Variants in ABCD2 observed in about 807,000 individuals in gnomAD.
ABCD2 encodes the protein ATP binding cassette subfamily D member 2.
A neutral mutation model predicts 70.9 loss-of-function variants in ABCD2; 36 were observed. The observed-to-expected ratio is 0.51, with a 90% CI of 0.39 to 0.67. The LOEUF (loss-of-function observed/expected upper bound fraction) is 0.67, where lower values mean the gene tolerates loss of function less well. Ranked by LOEUF, ABCD2 falls within the 30% of genes least tolerant of loss-of-function variation. ABCD2 has a pLI of 0.00. For synonymous variants in ABCD2, 304 were observed against 306.9 expected (o/e 0.99, Z 0.10); for missense variants, 729 against 890.2 (o/e 0.82, Z 2.30).
At chr12:39,578,767 G>A (rs939357718) in intron 8 of ABCD2, among the ~76,000 whole-genome samples, 27 of 151,572 alleles carry the variant, frequency 1.8e-4, no homozygotes, top group Non-Finnish European at 5.9e-5. Context: ...TTTTCCATTG[G>A]CTATGGCTTT....
chr12:39,558,017 T>A (rs1307260570), intron 9 of ABCD2, among the ~76,000 whole-genome samples: 1 of 152,146 alleles, frequency 6.6e-6, no homozygotes, highest in Non-Finnish European at 1.5e-5. Flanking sequence ...GTAGATCCAC[T>A]AACAGCTTGC....
chr12:39,604,032 AC>A, intron 4 of ABCD2, 26 bp from the exon 5 acceptor site: 1 of 1,473,722 alleles, frequency 6.8e-7, no homozygotes, highest in Non-Finnish European at 9.5e-7. Flanking sequence ...AGTGTAAGAT[AC>A]AAACATTATC....
In ABCD2 at chr12:39,572,493, T is replaced by G. The variant is rs566638920; in HGVS notation, c.2003+1223A>C. Reference sequence around the variant, plus strand: ...TGCTGGACTAGATCCAGAAAGTATATTTTTTAAAAATTCTGAAAAATCTGA... The same window carrying G: ...TGCTGGACTAGATCCAGAAAGTATAGTTTTTAAAAATTCTGAAAAATCTGA... On this transcript the variant is annotated intron_variant, in intron 9 of 9. Transcript: ENST00000308666. Among the ~76,000 whole-genome samples, 8 of 152,290 alleles carry G rather than the reference T, an allele frequency of 5.3e-5. No homozygotes were observed. In the East Asian group the frequency reaches 1.4e-3, roughly 26 times the overall value.
chr12:39,594,534 C>T (rs931436645), intron 6 of ABCD2, among the ~76,000 whole-genome samples: 3 of 152,078 alleles, frequency 2.0e-5, no homozygotes, highest in Non-Finnish European at 4.4e-5. Flanking sequence ...AAAACACACA[C>T]ACTATATCAT....
chr12:39,603,845 A>C (rs1455918982), intron 5 of ABCD2, 67 bp downstream of exon 5: 1 of 1,201,640 alleles, frequency 8.3e-7, no homozygotes. Flanking sequence ...CATAAGGTAC[A>C]TGAATTCTGA....
chr12:39,603,445 T>G (rs1319196430), intron 5 of ABCD2, among the ~76,000 whole-genome samples: 1 of 152,072 alleles, frequency 6.6e-6, no homozygotes, highest in African/African-American at 2.4e-5. Context: ...TTCCAATCCA[T>G]AAATCTTCTG....
the ABCD2 span, among the ~76,000 whole-genome samples, chr12:39,533,995 C>G: frequency 6.6e-6 from 1 of 152,132 alleles, no homozygotes; most frequent in African/African-American, 2.4e-5. Context: ...TTTGCAGAAC[C>G]TGGGGTATAG....
intron 6 of ABCD2, among the ~76,000 whole-genome samples, chr12:39,592,490 G>A (rs1483532275): frequency 9.2e-5 from 14 of 152,184 alleles, no homozygotes; most frequent in Middle Eastern, 3.2e-3. Flanking sequence ...GTGCTGTACA[G>A]AGACATGTGG....
chr12:39,602,345 G>A lies in ABCD2; in HGVS notation c.1500+1567C>T, dbSNP rs529714572. ...TTTTTGTATTTTTTAGTAGAGACAG[G>A]GTTTCACCATGTTGGCCAGGCTGGT... On this transcript the variant is annotated intron_variant, in intron 5 of 9. Transcript: ENST00000308666. 1.8e-4 allele frequency among the ~76,000 whole-genome samples: 27 copies of A among 151,788 alleles called. No homozygotes were observed. In the South Asian group the frequency reaches 5.6e-3, roughly 32 times the overall value.
downstream of ABCD2, among the ~76,000 whole-genome samples, chr12:39,549,711 T>C (rs1413364169): frequency 2.0e-5 from 3 of 151,896 alleles, no homozygotes; most frequent in Non-Finnish European, 4.4e-5. Context: ...ACGTTAAAAA[T>C]AGTAATAATG....
At chr12:39,596,404 C>T (rs1037233637) in intron 6 of ABCD2, among the ~76,000 whole-genome samples, 1 of 151,926 alleles carries the variant, frequency 6.6e-6, no homozygotes, top group Non-Finnish European at 1.5e-5. Context: ...TAATTATTGT[C>T]TATCCTAAAA....
intron 9 of ABCD2, among the ~76,000 whole-genome samples, chr12:39,568,801 T>C (rs1051446779): frequency 1.1e-4 from 16 of 152,122 alleles, no homozygotes; most frequent in African/African-American, 3.9e-4. Context: ...ACAGATGGGG[T>C]TTTGGTGTTC....
At chr12:39,609,713 G>T (rs1409555222) in intron 2 of ABCD2, among the ~76,000 whole-genome samples, 1 of 152,044 alleles carries the variant, frequency 6.6e-6, no homozygotes, top group East Asian at 1.9e-4. Flanking sequence ...TATCTCAAAG[G>T]ATTTCAGTGC....
At chr12:39,594,966 T>C (rs1166970120) in intron 6 of ABCD2, among the ~76,000 whole-genome samples, 1 of 151,866 alleles carries the variant, frequency 6.6e-6, no homozygotes, top group African/African-American at 2.4e-5. Context: ...AAATTAGCCG[T>C]GCATGGTGGT....
the ABCD2 span, among the ~76,000 whole-genome samples, chr12:39,543,621 G>A: frequency 6.6e-6 from 1 of 152,128 alleles, no homozygotes; most frequent in African/African-American, 2.4e-5. Flanking sequence ...TACAATCCAG[G>A]CTTTAGTAAC....
chr12:39,570,263 AC>A (rs1265716629), intron 9 of ABCD2, among the ~76,000 whole-genome samples: 1 of 152,246 alleles, frequency 6.6e-6, no homozygotes, highest in East Asian at 1.9e-4. Flanking sequence ...ACTGCAAAAC[AC>A]CCAAAATAGT....
rs1319793084 is a variant in ABCD2 at position 39,586,288 on chromosome 12, C to A, written c.1656G>T (p.Met552Ile). Reference sequence around the variant, plus strand: ...CTTGATCCCGAAGACTTCCAAGAGACATATATGGCCTTTAAAACACCAAGC... The same window carrying A: ...CTTGATCCCGAAGACTTCCAAGAGAAATATATGGCCTTTAAAACACCAAGC... ...HMFYIPQRPY[M>I]SLGSLRDQVI... The change falls in exon 7 of 10, where the codon ATG becomes ATT. Residue 552 changes from methionine to isoleucine, a missense_variant. By Grantham distance (10) the Met-to-Ile change is conservative. Transcript: ENST00000308666. 3 of 1,609,124 alleles carry A rather than the reference C, an allele frequency of 1.9e-6. No homozygotes were observed. In the Admixed American group the frequency reaches 5.1e-5, roughly 27 times the overall value.
chr12:39,604,659 A>T, intron 4 of ABCD2, 103 bp downstream of exon 4: 1 of 883,016 alleles, frequency 1.1e-6, no homozygotes, highest in Non-Finnish European at 1.6e-6. Context: ...TTGGTTATTT[A>T]AATGTTGGTA....
At chr12:39,607,111 T>C (rs1941978974) in intron 3 of ABCD2, among the ~76,000 whole-genome samples, 1 of 152,174 alleles carries the variant, frequency 6.6e-6, no homozygotes, top group South Asian at 2.1e-4. Context: ...GTTTGCGAGA[T>C]ATATAAGAAA....
Sources: gnomAD v4.1 joint callset for allele counts (sites outside exome capture counted in the v4.1 genomes callset) on GRCh38, gnomAD v4.1.1 for gene constraint, MANE v1.5 for transcripts, NCBI Gene and HGNC (gene_info 2026-07-23, HGNC 2026-07-21) for gene names.